ALX4: variants seen among roughly 807,000 people sequenced by gnomAD.
ALX4 encodes homeobox protein aristaless-like 4.
A neutral mutation model predicts 40.6 loss-of-function variants in ALX4; 22 were observed. The ratio of observed to expected loss-of-function variants is 0.54; its 90% confidence interval spans 0.39 to 0.77. The LOEUF (loss-of-function observed/expected upper bound fraction) is 0.77. ALX4 is among the 30% of genes least tolerant of loss of function. The pLI is 0.00. For missense variants in ALX4, 556 were observed against 564.8 expected (o/e 0.98, Z 0.16); for synonymous variants, 266 against 240.5 (o/e 1.11, Z -0.98).
chr11:44,295,669 A>C (rs551364572), intron 1 of ALX4, among the ~76,000 whole-genome samples: 1 of 152,212 alleles, frequency 6.6e-6, no homozygotes, highest in Non-Finnish European at 1.5e-5. Flanking sequence ...CAAAATATGC[A>C]TGGGGCCAAC....
chr11:44,285,213 C>T (rs1255558813), intron 1 of ALX4, among the ~76,000 whole-genome samples: 2 of 152,242 alleles, frequency 1.3e-5, no homozygotes, highest in African/African-American at 2.4e-5. Context: ...GATCTGCCTT[C>T]CTGGGCCTCC....
At chr11:44,298,255 T>C (rs1299311995) in intron 1 of ALX4, among the ~76,000 whole-genome samples, 1 of 152,130 alleles carries the variant, frequency 6.6e-6, no homozygotes, top group Non-Finnish European at 1.5e-5. Flanking sequence ...CAGGGGACCA[T>C]GGATGTTCAA....
intron 1 of ALX4, among the ~76,000 whole-genome samples, chr11:44,285,546 C>A (rs879786295): frequency 6.6e-6 from 1 of 152,202 alleles, no homozygotes. Context: ...CTGAGAAACA[C>A]GGCCAAGTTG....
chr11:44,267,715 C>T (rs1284185489), intron 2 of ALX4, 93 bp from the exon 3 acceptor site: 9 of 1,575,276 alleles, frequency 5.7e-6, no homozygotes, highest in African/African-American at 1.3e-5. Context: ...TTGAGCCCCC[C>T]ATCAGTTGCA....
Position 44,263,140 on chromosome 11 carries a change from A to T in ALX4, c.*1714T>A, listed in dbSNP as rs1403915898. Reference sequence around the variant, plus strand: ...ACCCCAGAGACCCTCATTCAACAACACCAAGTTTACCCTCCGCCCAACCCA... The same window carrying T: ...ACCCCAGAGACCCTCATTCAACAACTCCAAGTTTACCCTCCGCCCAACCCA... On this transcript the variant is annotated 3_prime_UTR_variant, in exon 4 of 4. Transcript: ENST00000652299. 1 of 152,042 alleles carries T rather than the reference A, an allele frequency of 6.6e-6. No homozygotes were observed. Among genetic ancestry groups the T allele is most frequent in the East Asian group, 1.9e-4 (1 of 5,180 alleles). 9.4% of individuals were successfully genotyped at this position (152,042 alleles called of 1,614,324 possible).
Position 44,291,041 on chromosome 11 carries a change from CAGT to C in ALX4, c.467-15386_467-15384del, listed in dbSNP as rs1465584455. Among the ~76,000 whole-genome samples the C allele has an allele frequency of 2.6e-5, 4 of 152,314 alleles. No individual in the cohort carries two copies. The East Asian group carries it at 7.7e-4, about 29-fold the overall frequency. ...CTTCCTTCCCCAGGTGCATCCTCTC[CAGT>C]TCAGGTTTCCCGAGCGGCAGCTCCC... On this transcript the variant is annotated intron_variant, in intron 1 of 3. Transcript: ENST00000652299.
chr11:44,292,539 G>A (rs908492342), intron 1 of ALX4, among the ~76,000 whole-genome samples: 2 of 152,006 alleles, frequency 1.3e-5, no homozygotes, highest in African/African-American at 4.8e-5. Flanking sequence ...CTTTAGGAAA[G>A]TCATCAACTT....
At chr11:44,307,027 C>A (rs544624278) in intron 1 of ALX4, among the ~76,000 whole-genome samples, 1 of 152,164 alleles carries the variant, frequency 6.6e-6, no homozygotes, top group Non-Finnish European at 1.5e-5. Flanking sequence ...TGGCGTCCTG[C>A]CGGTAGTTAC....
Position 44,264,643 on chromosome 11 carries a change from C to T in ALX4, c.*211G>A. The stretch of plus-strand genomic sequence containing the variant: ...CTGTGGCCGGGAGCAGGGGTCAGGG[C>T]CTCAGTGCCAGGGAGGGGCCAGGGG... On this transcript the variant is annotated 3_prime_UTR_variant, in exon 4 of 4. Transcript: ENST00000652299. The T allele has an allele frequency of 1.6e-6, 1 of 612,844 alleles. No individual in the cohort carries two copies. Among genetic ancestry groups the T allele is most frequent in the Non-Finnish European group, 2.9e-6 (1 of 350,314 alleles). The allele number at this position is 612,844 out of a possible 1,614,324, so 38.0% of individuals were successfully genotyped here. A position where few individuals can be genotyped will look rare whatever the true frequency, so the allele number is the denominator to read the frequency against.
At chr11:44,266,161 G>A (rs1956212514) in intron 3 of ALX4, among the ~76,000 whole-genome samples, 1 of 152,112 alleles carries the variant, frequency 6.6e-6, no homozygotes, top group Admixed American at 6.5e-5. Flanking sequence ...GGGGAAGGGG[G>A]ACCGGTTGGC....
chr11:44,300,744 T>C (rs1218088922), intron 1 of ALX4, among the ~76,000 whole-genome samples: 1 of 152,202 alleles, frequency 6.6e-6, no homozygotes, highest in African/African-American at 2.4e-5. Context: ...GGGGCTGTTA[T>C]ACATGACTAT....
chr11:44,275,693 G>T (rs1241425311), intron 1 of ALX4, 35 bp from the exon 2 acceptor site: 2 of 1,602,098 alleles, frequency 1.2e-6, no homozygotes, highest in African/African-American at 1.3e-5. Flanking sequence ...GAAACCAATG[G>T]TTGAACCAAA....
At chr11:44,281,575 GCA>G (rs1201883378) in intron 1 of ALX4, among the ~76,000 whole-genome samples, 1 of 152,006 alleles carries the variant, frequency 6.6e-6, no homozygotes. Flanking sequence ...GTGGCGGAGT[GCA>G]CACACCGATG....
intron 1 of ALX4, among the ~76,000 whole-genome samples, chr11:44,285,201 A>T (rs929735119): frequency 6.6e-6 from 1 of 152,264 alleles, no homozygotes; most frequent in Admixed American, 6.5e-5. Flanking sequence ...CTGACCTCAG[A>T]TGATCTGCCT....
chr11:44,302,246 G>T (rs1193564332), intron 1 of ALX4, among the ~76,000 whole-genome samples: 1 of 151,942 alleles, frequency 6.6e-6, no homozygotes, highest in Admixed American at 6.5e-5. Context: ...CCAGAGGACA[G>T]ACATGCCTTT....
chr11:44,281,316 G>A (rs564762319), intron 1 of ALX4, among the ~76,000 whole-genome samples: 29 of 152,116 alleles, frequency 1.9e-4, no homozygotes, highest in African/African-American at 6.0e-4. Flanking sequence ...GTGGTCAAGC[G>A]CAGGCACACA....
rs187007565 is a variant in ALX4 at position 44,301,924 on chromosome 11, G to T, written c.466+7673C>A. ...TGGTGGCTTGTCAGACGGCCTCGCC[G>T]CAGTGTGGGTGGGCTGGATGGACCA... On this transcript the variant is annotated intron_variant, in intron 1 of 3. Transcript: ENST00000652299. Among the ~76,000 whole-genome samples the T allele has an allele frequency of 2.4e-4, 36 of 152,234 alleles. 1 individual carries two copies. Among genetic ancestry groups the T allele is most frequent in the Admixed American group, 1.7e-3 (26 of 15,302 alleles).
In ALX4 at chr11:44,309,976, C is replaced by A. The variant is rs1173647415; in HGVS notation, c.87G>T (p.Glu29Asp). 1 of 1,598,582 alleles carries A rather than the reference C, an allele frequency of 6.3e-7. No homozygotes were observed. Among genetic ancestry groups the A allele is most frequent in the South Asian group, 1.1e-5 (1 of 88,350 alleles). The change falls in exon 1 of 4, where the codon GAG becomes GAT. Residue 29 changes from glutamate to aspartate, a missense_variant. Glu to Asp is a conservative substitution (Grantham distance 45). Coordinates refer to ENST00000652299, the MANE Select transcript of ALX4 (RefSeq NM_021926.4). ...GAAATGCCCTAAAAGGCGACGAGCC[C>A]TCCCGACTCTGCGACACCGGGCTGT... The part of the protein sequence containing the change: ...AYYSPVSQSR[E>D]GSSPFRAFPG...
chr11:44,265,129 AGGCT>A lies in ALX4; in HGVS notation c.957_960del (p.Cys321TrpfsTer29). On this transcript the variant is annotated frameshift_variant, in exon 4 of 4. Coordinates refer to ENST00000652299, the MANE Select transcript of ALX4 (RefSeq NM_021926.4). LOFTEE classifies it high-confidence loss of function. Reference sequence around the variant, plus strand: ...GGCACCGGGTCGCAGGGGACCACGCAGGCTGGCACTGGTGAGGCAGCCCCGTTGT... The same window carrying A: ...GGCACCGGGTCGCAGGGGACCACGCAGGCACTGGTGAGGCAGCCCCGTTGT... 1 of 1,608,976 alleles carries A rather than the reference AGGCT, an allele frequency of 6.2e-7. No individual in the cohort carries two copies. Among genetic ancestry groups the A allele is most frequent in the Non-Finnish European group, 8.5e-7 (1 of 1,176,984 alleles).
Sources: gnomAD v4.1 joint callset for allele counts (sites outside exome capture counted in the v4.1 genomes callset) on GRCh38, gnomAD v4.1.1 for gene constraint, MANE v1.5 for transcripts, NCBI Gene and HGNC (gene_info 2026-07-23, HGNC 2026-07-21) for gene names.